Variants in RARB observed in about 807,000 individuals in gnomAD.
The protein encoded by RARB is retinoic acid receptor beta.
Under a neutral mutation model 51.9 loss-of-function variants are expected in RARB, and 17 were observed. That is an observed-to-expected ratio of 0.33 (90% CI 0.22 to 0.49). The LOEUF is 0.49. RARB is among the 20% of genes least tolerant of loss of function. The pLI is 0.99. For missense variants in RARB, 369 were observed against 550.8 expected, an observed-to-expected ratio of 0.67 and a Z score of 3.30; for synonymous variants, 215 against 195.4, an observed-to-expected ratio of 1.10 and a Z score of -0.84.
At chr3:25,083,704 C>CT (rs1332430383) in intron 3 of RARB, among the ~76,000 whole-genome samples, 1 of 151,994 alleles carries the variant, frequency 6.6e-6, no homozygotes, top group Non-Finnish European at 1.5e-5. Context: ...TGAGTGTGTG[C>CT]TAGGCATAGT....
chr3:24,895,305 A>C (rs1214303753), intron 2 of RARB, among the ~76,000 whole-genome samples: 1 of 152,172 alleles, frequency 6.6e-6, no homozygotes, highest in Admixed American at 6.5e-5. Flanking sequence ...GTTAGATTTG[A>C]TATTACTTTT....
chr3:25,205,311 G>C (rs1416041889), intron 5 of RARB, among the ~76,000 whole-genome samples: 1 of 152,144 alleles, frequency 6.6e-6, no homozygotes, highest in African/African-American at 2.4e-5. Flanking sequence ...CGATTTTCCA[G>C]GTGCTGCCTG....
chr3:25,084,359 A>C (rs1448648170), intron 3 of RARB, among the ~76,000 whole-genome samples: 1 of 152,160 alleles, frequency 6.6e-6, no homozygotes, highest in Non-Finnish European at 1.5e-5. Flanking sequence ...AGAACTCTGA[A>C]GGTTAAAGTC....
chr3:25,320,744 A>C (rs1704547022), intron 5 of RARB, among the ~76,000 whole-genome samples: 3 of 152,162 alleles, frequency 2.0e-5, no homozygotes, highest in South Asian at 4.1e-4. Context: ...TTTTTGTGAA[A>C]CCTGGGGTTT....
At chr3:25,474,819 T>C (rs1402311243) in intron 2 of RARB, among the ~76,000 whole-genome samples, 1 of 152,226 alleles carries the variant, frequency 6.6e-6, no homozygotes, top group Non-Finnish European at 1.5e-5. Context: ...TATTTTGCTC[T>C]TAAATTATCA....
chr3:25,108,993 G>A (rs758202980), intron 3 of RARB, among the ~76,000 whole-genome samples: 1 of 152,114 alleles, frequency 6.6e-6, no homozygotes, highest in African/African-American at 2.4e-5. Context: ...ATTCAGACCA[G>A]ATTGTATCCC....
intron 3 of RARB, among the ~76,000 whole-genome samples, chr3:25,534,482 G>A (rs563196985): frequency 6.6e-6 from 1 of 152,170 alleles, no homozygotes; most frequent in South Asian, 2.1e-4. Flanking sequence ...CTGCTCACAA[G>A]CCCTGTGGGA....
chr3:24,987,977 T>G (rs1696830711), intron 2 of RARB, among the ~76,000 whole-genome samples: 1 of 151,994 alleles, frequency 6.6e-6, no homozygotes, highest in Non-Finnish European at 1.5e-5. Flanking sequence ...TTTTTTTTTT[T>G]TCCAGTTCTC....
intron 2 of RARB, among the ~76,000 whole-genome samples, chr3:24,965,450 A>T (rs986696039): frequency 1.4e-4 from 21 of 152,190 alleles, no homozygotes; most frequent in African/African-American, 5.1e-4. Context: ...AAAACAGGGT[A>T]AAGCTAAAAG....
intron 5 of RARB, among the ~76,000 whole-genome samples, chr3:25,306,663 C>A (rs550099311): frequency 6.6e-6 from 1 of 152,088 alleles, no homozygotes; most frequent in African/African-American, 2.4e-5. Flanking sequence ...CCTTTCATGA[C>A]CTATAGTTCA....
chr3:25,106,469 T>TTTG lies in RARB; in HGVS notation c.-327-25690_-327-25689insGTT, dbSNP rs1699506110. Among the ~76,000 whole-genome samples, 2 of 120,026 alleles carry TTTG rather than the reference T, an allele frequency of 1.7e-5. 1 individual carries two copies. Among genetic ancestry groups the TTTG allele is most frequent in the Non-Finnish European group, 3.4e-5 (2 of 59,166 alleles). 78.7% of individuals were successfully genotyped at this position (120,026 alleles called of 152,430 possible). ...GTTTTTTGTTTTTTGTTTTTTTTTGTTTTGTTTTTTTTTTGTAGAGACAGG... is the reference window on the plus strand; with the variant it reads ...GTTTTTTGTTTTTTGTTTTTTTTTGTTTGTTTGTTTTTTTTTTGTAGAGACAGG... On this transcript the variant is annotated intron_variant, in intron 3 of 11. Transcript: ENST00000383772.
chr3:24,875,431 C>A (rs910835967), intron 2 of RARB, among the ~76,000 whole-genome samples: 1 of 152,104 alleles, frequency 6.6e-6, no homozygotes, highest in African/African-American at 2.4e-5. Context: ...TCCTTATGTA[C>A]TTTAGCCTCA....
intron 2 of RARB, among the ~76,000 whole-genome samples, chr3:25,476,072 G>A (rs1183162821): frequency 6.6e-6 from 1 of 152,124 alleles, no homozygotes; most frequent in East Asian, 1.9e-4. Flanking sequence ...GAAGAACAAT[G>A]GAGAATTGCC....
chr3:25,150,009 A>G (rs1012110116), intron 4 of RARB, among the ~76,000 whole-genome samples: 1 of 151,962 alleles, frequency 6.6e-6, no homozygotes, highest in African/African-American at 2.4e-5. Flanking sequence ...TGAGACCAAC[A>G]TGACCGATAT....
chr3:25,106,286 TA>T (rs541466625), intron 3 of RARB, among the ~76,000 whole-genome samples: 2 of 32,570 alleles, frequency 6.1e-5, no homozygotes, highest in African/African-American at 2.6e-4. Flanking sequence ...AAAATTCTTT[TA>T]TTTTTTTTGA....
At chr3:25,402,432 A>G (rs1707288490) in intron 5 of RARB, among the ~76,000 whole-genome samples, 1 of 152,234 alleles carries the variant, frequency 6.6e-6, no homozygotes, top group Admixed American at 6.5e-5. Flanking sequence ...CTACCATGTG[A>G]TCTAGCAATC....
chr3:25,478,318 G>A (rs536868217), intron 2 of RARB, among the ~76,000 whole-genome samples: 10 of 152,292 alleles, frequency 6.6e-5, no homozygotes, highest in African/African-American at 2.4e-4. Flanking sequence ...GGCCATCTTT[G>A]GAAAATCCAA....
chr3:25,290,339 A>G (rs1325759661), intron 5 of RARB, among the ~76,000 whole-genome samples: 1 of 152,182 alleles, frequency 6.6e-6, no homozygotes, highest in Non-Finnish European at 1.5e-5. Flanking sequence ...CCATGTAAAG[A>G]CACTCAAAGA....
rs144635515 is a variant in RARB at position 25,058,540 on chromosome 3, C to G, written c.-379-1585C>G. Among the ~76,000 whole-genome samples the G allele has an allele frequency of 1.0e-3, 152 of 149,964 alleles. 2 individuals are homozygous for G. In the East Asian group the frequency reaches 0.019, roughly 19 times the overall value. On this transcript the variant is annotated intron_variant, in intron 2 of 11. Coordinates refer to the RARB transcript ENST00000383772. Reference sequence around the variant, plus strand: ...AAGCTTTGATGGGCATCTCCAAAACCAAGTAAAAAGCAAATAAGTACAGTT... The same window carrying G: ...AAGCTTTGATGGGCATCTCCAAAACGAAGTAAAAAGCAAATAAGTACAGTT...
Sources: allele counts gnomAD v4.1 joint callset (sites outside exome capture counted in the v4.1 genomes callset), GRCh38; gene constraint gnomAD v4.1.1; transcripts MANE v1.5; gene names NCBI Gene and HGNC (gene_info 2026-07-23, HGNC 2026-07-21).